RNASEH1: variants seen among roughly 807,000 people sequenced by gnomAD.
RNASEH1 encodes ribonuclease H type II.
Under a neutral mutation model 34.6 loss-of-function variants are expected in RNASEH1, and 27 were observed. The observed-to-expected ratio is 0.78, with a 90% CI of 0.58 to 1.08. The LOEUF (loss-of-function observed/expected upper bound fraction) is 1.08, where lower values mean the gene tolerates loss of function less well. Among genes scored for constraint, RNASEH1 ranks in the 50% least tolerant of loss-of-function variants. The pLI is 0.00. For synonymous variants in RNASEH1, 162 were observed against 138.4 expected (o/e 1.17, Z -1.20); for missense variants, 349 against 373.6 (o/e 0.93, Z 0.54).
chr2:3,552,282 A>T lies in RNASEH1; in HGVS notation c.271T>A (p.Ser91Thr). 3 of 1,613,592 alleles carry T rather than the reference A, an allele frequency of 1.9e-6. No homozygotes were observed. The highest frequency in any genetic ancestry group is 2.5e-6 in the Non-Finnish European group (3 of 1,179,862). ...EGHENQHGQE[S>T]EAKASKRLRE... ...AGTCGCTTGCTGGCTTTCGCCTCCG[A>T]TTCTTGTCCATGTTGATTTTCATGC... is the stretch of plus-strand genomic sequence containing the variant. Residue 91 changes from serine (S) to threonine (T), a missense_variant, in exon 3 of 8, where the codon TCG becomes ACG. Physicochemically the swap from Ser to Thr is moderately conservative, Grantham distance 58. Coordinates refer to ENST00000315212, the MANE Select transcript of RNASEH1 (RefSeq NM_002936.6).
chr2:3,539,264 G>A (rs1029457606), downstream of RNASEH1, among the ~76,000 whole-genome samples: 1 of 152,088 alleles, frequency 6.6e-6, no homozygotes, highest in African/African-American at 2.4e-5. Context: ...TGCATATTTA[G>A]GTTTAGAGAA....
intron 2 of RNASEH1, among the ~76,000 whole-genome samples, chr2:3,555,542 T>C (rs938543940): frequency 2.0e-5 from 3 of 152,180 alleles, no homozygotes; most frequent in Non-Finnish European, 4.4e-5. Flanking sequence ...TCGCTCTGAA[T>C]TGTGCTTTGT....
intron 7 of RNASEH1, among the ~76,000 whole-genome samples, chr2:3,547,281 C>T: frequency 6.6e-6 from 1 of 152,140 alleles, no homozygotes; most frequent in Non-Finnish European, 1.5e-5. Flanking sequence ...CAGCTCAAGT[C>T]ATCCTCCCAC....
rs898303142 is a variant in RNASEH1, at chr2:3,541,812, T to C, written c.*3973A>G. On this transcript the variant is annotated 3_prime_UTR_variant, in exon 8 of 8. Transcript: ENST00000315212. ...GCAAATGCATCGGTCACTTCACGTA[T>C]GTGCAGTTCATTACCTGTCAGTTAC... Among the ~76,000 whole-genome samples the C allele has an allele frequency of 1.3e-5, 2 of 152,230 alleles. No homozygotes were observed. The highest frequency in any genetic ancestry group is 2.9e-5 in the Non-Finnish European group (2 of 68,040).
chr2:3,558,288 T>C lies in RNASEH1; in HGVS notation c.-28A>G. The C allele has an allele frequency of 1.3e-6, 2 of 1,526,246 alleles. No homozygotes were observed. The highest frequency in any genetic ancestry group is 1.4e-5 in the African/African-American group (1 of 70,468). The allele number at this position is 1,526,246 out of a possible 1,614,324, so 94.5% of individuals were successfully genotyped here. A position where few individuals can be genotyped will look rare whatever the true frequency, so the allele number is the denominator to read the frequency against. ...CTCACTCCCGGCACCGGGAAGCATT[T>C]CGACTCCCGGCCCAGCGTGGGCGCG... is the stretch of plus-strand genomic sequence containing the variant. On this transcript the variant is annotated 5_prime_UTR_variant, in exon 1 of 8. Transcript: ENST00000315212.
chr2:3,547,480 T>C (rs1336354486), intron 7 of RNASEH1, among the ~76,000 whole-genome samples: 2 of 150,718 alleles, frequency 1.3e-5, no homozygotes, highest in Non-Finnish European at 3.0e-5. Context: ...CAGGCTCACA[T>C]ATTTTTTTTT....
chr2:3,541,820 T>G lies in RNASEH1; in HGVS notation c.*3965A>C, dbSNP rs1668330333. On this transcript the variant is annotated 3_prime_UTR_variant, in exon 8 of 8. Coordinates refer to ENST00000315212, the MANE Select transcript of RNASEH1 (RefSeq NM_002936.6). The stretch of plus-strand genomic sequence containing the variant: ...ATCGGTCACTTCACGTATGTGCAGT[T>G]CATTACCTGTCAGTTACACCTCAAC... Among the ~76,000 whole-genome samples the G allele has an allele frequency of 6.6e-6, 1 of 152,150 alleles. No homozygotes were observed. The highest frequency in any genetic ancestry group is 1.5e-5 in the Non-Finnish European group (1 of 68,028).
the RNASEH1 span, chr2:3,533,139 T>A: frequency 6.6e-6 from 1 of 152,240 alleles, no homozygotes; most frequent in African/African-American, 2.4e-5. Context: ...CCAACAAACA[T>A]CTTGCAAGCA....
In RNASEH1 at chr2:3,558,121, C is replaced by A; in HGVS notation, c.128+12G>T. 4 of 1,580,530 alleles carry A rather than the reference C, an allele frequency of 2.5e-6. No homozygotes were observed. Among genetic ancestry groups the A allele is most frequent in the Admixed American group, 3.7e-5 (2 of 54,268 alleles). ...GCCGGCAGGGAGGCGCCTCGGCGGGCGGGCCACTCACCAGGTCAGAAAGAC... is the reference window on the plus strand; with the variant it reads ...GCCGGCAGGGAGGCGCCTCGGCGGGAGGGCCACTCACCAGGTCAGAAAGAC... On this transcript the variant is annotated intron_variant, in intron 1 of 7. Coordinates refer to ENST00000315212, the MANE Select transcript of RNASEH1 (RefSeq NM_002936.6).
At chr2:3,538,718 T>C (rs1668128548), downstream of RNASEH1, among the ~76,000 whole-genome samples, 1 of 152,192 alleles carries the variant, frequency 6.6e-6, no homozygotes, top group Non-Finnish European at 1.5e-5. Flanking sequence ...TTTTTATGTG[T>C]GCAAGGTGTA....
At chr2:3,556,134 A>G (rs911951351) in intron 2 of RNASEH1, among the ~76,000 whole-genome samples, 2 of 151,976 alleles carry the variant, frequency 1.3e-5, no homozygotes, top group African/African-American at 4.8e-5. Context: ...AGATTGTGCC[A>G]CTGCACTCCA....
chr2:3,538,805 G>A (rs576299868), downstream of RNASEH1, among the ~76,000 whole-genome samples: 6 of 152,330 alleles, frequency 3.9e-5, no homozygotes, highest in African/African-American at 1.2e-4. Flanking sequence ...AGTGGGCCAC[G>A]CCTCTGTCTG....
rs1487390172 is a variant in RNASEH1, at chr2:3,543,058, C to T, written c.*2727G>A. Among the ~76,000 whole-genome samples, 1 of 152,168 alleles carries T rather than the reference C, an allele frequency of 6.6e-6. No individual in the cohort carries two copies. The highest frequency in any genetic ancestry group is 1.5e-5 in the Non-Finnish European group (1 of 68,036). On this transcript the variant is annotated 3_prime_UTR_variant, in exon 8 of 8. Coordinates refer to ENST00000315212, the MANE Select transcript of RNASEH1 (RefSeq NM_002936.6). ...CTAAAACTGCCTCTGTACATAGTGA[C>T]TTATAACCTCACTTAATGTATAAGC... is the stretch of plus-strand genomic sequence containing the variant.
Position 3,541,870 on chromosome 2 carries a change from G to A in RNASEH1, c.*3915C>T, listed in dbSNP as rs1668332760. Among the ~76,000 whole-genome samples, 4 of 152,080 alleles carry A rather than the reference G, an allele frequency of 2.6e-5. No homozygotes were observed. Among genetic ancestry groups the A allele is most frequent in the Non-Finnish European group, 4.4e-5 (3 of 68,006 alleles). Reference sequence around the variant, plus strand: ...CAGAGCTGTTTTAAAAAGCAAGGTGGGGCCGGCTTTGGTGGCTCACACCTG... The same window carrying A: ...CAGAGCTGTTTTAAAAAGCAAGGTGAGGCCGGCTTTGGTGGCTCACACCTG... On this transcript the variant is annotated 3_prime_UTR_variant, in exon 8 of 8. Transcript: ENST00000315212.
chr2:3,534,033 A>T, the RNASEH1 span: 3 of 151,308 alleles, frequency 2.0e-5, no homozygotes, highest in Non-Finnish European at 4.4e-5. Flanking sequence ...ATCAGCACAC[A>T]CTCCCCCTTT....
chr2:3,557,026 A>G (rs1660573653), intron 1 of RNASEH1, 122 bp from the exon 2 acceptor site: 8 of 698,134 alleles, frequency 1.1e-5, no homozygotes, highest in Non-Finnish European at 2.0e-5. Context: ...GATTCCAGGA[A>G]GTCCTCCACC....
downstream of RNASEH1, among the ~76,000 whole-genome samples, chr2:3,539,179 A>G (rs6742649): frequency 0.4 from 61,468 of 151,794 alleles, 13,748 homozygotes; most frequent in African/African-American, 0.6. Flanking sequence ...TTCTTTCATG[A>G]TTGCTGGATG....
chr2:3,553,667 GGCGTGA>G (rs1433633350), intron 2 of RNASEH1, among the ~76,000 whole-genome samples: 1 of 152,174 alleles, frequency 6.6e-6, no homozygotes, highest in African/African-American at 2.4e-5. Context: ...TGGGATTACA[GGCGTGA>G]GCCGCTGCGC....
chr2:3,533,849 C>T, the RNASEH1 span: 32 of 152,282 alleles, frequency 2.1e-4, no homozygotes, highest in African/African-American at 7.7e-4. Context: ...CGTGGTCCCT[C>T]TGATAGTAGC....
Sources: gnomAD v4.1 joint callset for allele counts (sites outside exome capture counted in the v4.1 genomes callset) on GRCh38, gnomAD v4.1.1 for gene constraint, MANE v1.5 for transcripts, NCBI Gene and HGNC (gene_info 2026-07-23, HGNC 2026-07-21) for gene names.